Variants in CSMD1 observed in about 807,000 individuals in gnomAD.
The protein encoded by CSMD1 is CUB and Sushi multiple domains 1, also known as CUB and sushi domain-containing protein 1.
Under a neutral mutation model 417.5 loss-of-function variants are expected in CSMD1, and 213 were observed. The ratio of observed to expected loss-of-function variants is 0.51; its 90% CI spans 0.46 to 0.57. The LOEUF is 0.57. CSMD1 is among the 20% of genes least tolerant of loss of function. The pLI is 0.00. For missense variants in CSMD1, 6,923 were observed against 4,529.7 expected (o/e 1.53, Z -15.17); for synonymous variants, 2,862 against 1,736.8 (o/e 1.65, Z -16.11).
Position 4,441,477 on chromosome 8 carries a change from T to A in CSMD1, c.303-21412A>T, listed in dbSNP as rs376370643. Among the ~76,000 whole-genome samples, 52 of 152,076 alleles carry A rather than the reference T, an allele frequency of 3.4e-4. 1 individual carries two copies. In the South Asian group the frequency reaches 0.01, roughly 30 times the overall value. ...CAGTGTTGAATGTTTTATTAGGAGTTAGACATAAGGTATTTTACAGAGAGA... is the reference window on the plus strand; with the variant it reads ...CAGTGTTGAATGTTTTATTAGGAGTAAGACATAAGGTATTTTACAGAGAGA... On this transcript the variant is annotated intron_variant, in intron 2 of 69. Transcript: ENST00000635120.
chr8:3,307,616 G>A (rs916903878), intron 25 of CSMD1, 79 bp downstream of exon 25: 44 of 1,405,324 alleles, frequency 3.1e-5, no homozygotes, highest in South Asian at 1.3e-4. Context: ...ATGGATATTT[G>A]GTGTACCACT....
At chr8:4,013,529 T>G (rs139479931) in intron 4 of CSMD1, among the ~76,000 whole-genome samples, 1 of 152,170 alleles carries the variant, frequency 6.6e-6, no homozygotes, top group African/African-American at 2.4e-5. Flanking sequence ...ATGGTCACCA[T>G]AGCTCTTAAT....
chr8:3,661,609 G>A lies in CSMD1; in HGVS notation c.1010-44812C>T, dbSNP rs534746118. 5.9e-5 allele frequency among the ~76,000 whole-genome samples: 9 copies of A among 152,030 alleles called. No homozygotes were observed. The South Asian group carries it at 8.3e-4, about 14-fold the overall frequency. On this transcript the variant is annotated intron_variant, in intron 7 of 69. Transcript: ENST00000635120. ...CCTCCCGGGTTCAAGTGATTCTCCC[G>A]CCTCAGCCTCCCAAGTAGTTGGCAT...
At chr8:4,219,822 T>C (rs1304863849) in intron 3 of CSMD1, among the ~76,000 whole-genome samples, 4 of 152,220 alleles carry the variant, frequency 2.6e-5, no homozygotes, top group African/African-American at 4.8e-5. Context: ...GTAGAGCTAA[T>C]TATCTGTAAG....
intron 15 of CSMD1, among the ~76,000 whole-genome samples, chr8:3,402,135 G>C (rs1049210594): frequency 6.6e-6 from 1 of 152,014 alleles, no homozygotes; most frequent in Non-Finnish European, 1.5e-5. Context: ...ATGTTATGAA[G>C]GATGCAGCCT....
intron 3 of CSMD1, among the ~76,000 whole-genome samples, chr8:4,039,614 G>C (rs1382484691): frequency 6.6e-6 from 1 of 152,130 alleles, no homozygotes; most frequent in East Asian, 1.9e-4. Context: ...TCCAGGATGA[G>C]GAATGACAGT....
intron 1 of CSMD1, among the ~76,000 whole-genome samples, chr8:4,960,373 T>C (rs1392892906): frequency 2.0e-5 from 3 of 152,196 alleles, no homozygotes; most frequent in Admixed American, 1.3e-4. Flanking sequence ...ACTATGATGA[T>C]GTAAATTTGA....
intron 1 of CSMD1, among the ~76,000 whole-genome samples, chr8:4,895,011 C>T (rs533177316): frequency 1.3e-5 from 2 of 152,184 alleles, no homozygotes; most frequent in Middle Eastern, 3.2e-3. Flanking sequence ...AGTAACTTCA[C>T]TTCTCTTGAC....
chr8:3,851,536 A>T (rs1012757007), intron 5 of CSMD1, among the ~76,000 whole-genome samples: 3 of 152,192 alleles, frequency 2.0e-5, no homozygotes, highest in African/African-American at 7.2e-5. Context: ...GGTCCCTGAA[A>T]GGTGAGCCTC....
intron 1 of CSMD1, among the ~76,000 whole-genome samples, chr8:4,953,221 G>A (rs556928902): frequency 1.1e-4 from 16 of 152,206 alleles, no homozygotes; most frequent in Non-Finnish European, 2.1e-4. Flanking sequence ...TTCCTAATGA[G>A]TTTTGCTGAA....
At chr8:4,432,904 A>G (rs1056760220) in intron 2 of CSMD1, among the ~76,000 whole-genome samples, 4 of 152,238 alleles carry the variant, frequency 2.6e-5, no homozygotes, top group Admixed American at 1.3e-4. Context: ...GGTGAGCAGC[A>G]GAAGCCAGAG....
chr8:4,651,829 G>C (rs1174322139), intron 1 of CSMD1, among the ~76,000 whole-genome samples: 1 of 152,176 alleles, frequency 6.6e-6, no homozygotes, highest in Non-Finnish European at 1.5e-5. Flanking sequence ...ACCAAACAGA[G>C]AGCTCATTGG....
At chr8:4,187,675 T>G (rs1248600736) in intron 3 of CSMD1, among the ~76,000 whole-genome samples, 7 of 2,418 alleles carry the variant, frequency 2.9e-3, no homozygotes, top group Non-Finnish European at 6.5e-3. Flanking sequence ...AAACTCCGTC[T>G]CAAAAAAAAA....
intron 3 of CSMD1, among the ~76,000 whole-genome samples, chr8:4,141,059 T>C (rs1803760461): frequency 6.6e-6 from 1 of 151,222 alleles, no homozygotes; most frequent in South Asian, 2.1e-4. Flanking sequence ...TCTAACAAAT[T>C]ATAAAATATC....
At chr8:4,271,256 A>T (rs1245587746) in intron 3 of CSMD1, among the ~76,000 whole-genome samples, 1 of 152,204 alleles carries the variant, frequency 6.6e-6, no homozygotes, top group East Asian at 1.9e-4. Flanking sequence ...GACACTCAGG[A>T]CCATGAAGCT....
At chr8:3,647,221 G>C (rs564562843) in intron 7 of CSMD1, among the ~76,000 whole-genome samples, 12 of 152,286 alleles carry the variant, frequency 7.9e-5, no homozygotes, top group African/African-American at 2.6e-4. Flanking sequence ...AAATATCTAT[G>C]CTGTGAAACT....
chr8:3,589,371 G>A (rs1039491421), intron 8 of CSMD1, among the ~76,000 whole-genome samples: 2 of 109,462 alleles, frequency 1.8e-5, no homozygotes, highest in African/African-American at 7.1e-5. Flanking sequence ...AATGGATAAA[G>A]AAAATGTGGT....
At chr8:3,399,621 G>A (rs889768003) in intron 15 of CSMD1, 92 bp from the exon 16 acceptor site, 4 of 913,966 alleles carry the variant, frequency 4.4e-6, no homozygotes, top group East Asian at 2.9e-5. Flanking sequence ...CTGCTTCTGT[G>A]TTCATAGACT....
At chr8:4,082,417 T>G (rs540413561) in intron 3 of CSMD1, among the ~76,000 whole-genome samples, 122 of 152,268 alleles carry the variant, frequency 8.0e-4, no homozygotes, top group African/African-American at 2.9e-3. Context: ...AACCCAGTAT[T>G]TTAAGAAATC....
Sources: gnomAD v4.1 joint callset for allele counts (sites outside exome capture counted in the v4.1 genomes callset) on GRCh38, gnomAD v4.1.1 for gene constraint, MANE v1.5 for transcripts, NCBI Gene and HGNC (gene_info 2026-07-23, HGNC 2026-07-21) for gene names.